GPCPD1: variants seen among roughly 807,000 people sequenced by gnomAD.
The protein encoded by GPCPD1 is glycerophosphocholine phosphodiesterase 1.
Under a neutral mutation model 89.2 loss-of-function variants are expected in GPCPD1, and 29 were observed. The ratio of observed to expected loss-of-function variants is 0.33; its 90% CI spans 0.24 to 0.44. The LOEUF is 0.44. GPCPD1 is among the 20% of genes least tolerant of loss of function. The pLI is 1.00. For synonymous variants in GPCPD1, 258 were observed against 266.3 expected (o/e 0.97, Z 0.30); for missense variants, 594 against 808.9 (o/e 0.73, Z 3.22).
intron 15 of GPCPD1, among the ~76,000 whole-genome samples, chr20:5,563,199 T>C (rs757501893): frequency 2.6e-5 from 4 of 152,094 alleles, no homozygotes; most frequent in Admixed American, 6.5e-5. Flanking sequence ...CAGGATGATC[T>C]TGATCCCCTG....
At chr20:5,599,093 A>G (rs1330382976) in intron 2 of GPCPD1, among the ~76,000 whole-genome samples, 2 of 152,232 alleles carry the variant, frequency 1.3e-5, no homozygotes, top group African/African-American at 4.8e-5. Flanking sequence ...TGAGCCAGTA[A>G]CAAGAACCCA....
At chr20:5,598,891 T>G in intron 2 of GPCPD1, 70 bp from the exon 3 acceptor site, 6 of 956,630 alleles carry the variant, frequency 6.3e-6, no homozygotes, top group Non-Finnish European at 1.0e-5. Flanking sequence ...CAGGGAAGTT[T>G]GCATTAGTTC....
At chr20:5,563,328 G>A (rs922135542) in intron 15 of GPCPD1, among the ~76,000 whole-genome samples, 3 of 152,004 alleles carry the variant, frequency 2.0e-5, no homozygotes, top group African/African-American at 7.2e-5. Context: ...AAATGAGTTT[G>A]CGTGTGTGTT....
At chr20:5,585,951 TA>T (rs1978892608) in intron 5 of GPCPD1, 1 of 376,456 alleles carries the variant, frequency 2.7e-6, no homozygotes, top group Non-Finnish European at 4.8e-6. Flanking sequence ...TATTTCATAA[TA>T]AACTAATCTA....
chr20:5,605,607 C>T (rs1383119440), intron 1 of GPCPD1, among the ~76,000 whole-genome samples: 4 of 152,166 alleles, frequency 2.6e-5, no homozygotes, highest in Middle Eastern at 6.8e-3. Flanking sequence ...GGAGAAACCC[C>T]GTCTCTACTA....
At chr20:5,568,895 G>A (rs998768994) in intron 12 of GPCPD1, among the ~76,000 whole-genome samples, 1 of 152,086 alleles carries the variant, frequency 6.6e-6, no homozygotes, top group Non-Finnish European at 1.5e-5. Context: ...GCAACAGAGC[G>A]AGACTCGGTC....
intron 15 of GPCPD1, among the ~76,000 whole-genome samples, chr20:5,564,309 G>A (rs752629034): frequency 2.0e-5 from 3 of 150,844 alleles, no homozygotes; most frequent in Non-Finnish European, 4.4e-5. Flanking sequence ...CAAAACTAAG[G>A]AACAGTTTAA....
chr20:5,602,547 A>C (rs528275197), intron 2 of GPCPD1, among the ~76,000 whole-genome samples: 1 of 152,328 alleles, frequency 6.6e-6, no homozygotes, highest in Non-Finnish European at 1.5e-5. Context: ...TACTCTGCCA[A>C]TTGCTGTGAT....
At chr20:5,601,361 C>CTTTT (rs1209326779) in intron 2 of GPCPD1, among the ~76,000 whole-genome samples, 15 of 73,062 alleles carry the variant, frequency 2.1e-4, no homozygotes, top group African/African-American at 3.6e-4. Flanking sequence ...CCCTGTTAAT[C>CTTTT]TTTTTTTTTT....
At position 5,566,977 on chromosome 20, in the gene GPCPD1, G is replaced by A. The variant is rs116411021; in HGVS notation, c.1228-205C>T. 5.6e-3 allele frequency among the ~76,000 whole-genome samples: 844 copies of A among 150,162 alleles called. 6 individuals carry two copies. Among genetic ancestry groups the A allele is most frequent in the African/African-American group, 0.02 (799 of 39,688 alleles). ...GATAATGATCAAATACTCAATTAGG[G>A]AAGAATATAAAAATTCTTCACTAGA... On this transcript the variant is annotated intron_variant, in intron 13 of 19. Transcript: ENST00000379019.
rs185745625 is a variant in GPCPD1 at position 5,546,776 on chromosome 20, C to T, written c.*885G>A. The T allele has an allele frequency of 6.6e-6, 1 of 151,106 alleles. No homozygotes were observed. Among genetic ancestry groups the T allele is most frequent in the East Asian group, 1.9e-4 (1 of 5,168 alleles). The allele number at this position is 151,106 out of a possible 1,614,324, so 9.4% of individuals were successfully genotyped here. On this transcript the variant is annotated 3_prime_UTR_variant, in exon 20 of 20. Transcript: ENST00000379019. ...ACACAAAATAAGCATATTTAAAACG[C>T]CTACAAACAGCCTTTTTTTTTTAGG...
intron 7 of GPCPD1, 23 bp downstream of exon 7, chr20:5,579,985 G>T: frequency 1.4e-6 from 2 of 1,469,342 alleles, no homozygotes; most frequent in Non-Finnish European, 1.9e-6. Flanking sequence ...AATAGCCTAA[G>T]TAACACATAA....
At chr20:5,576,034 TAC>T in intron 8 of GPCPD1, 56 bp from the exon 9 acceptor site, 1 of 810,302 alleles carries the variant, frequency 1.2e-6, no homozygotes, top group Non-Finnish European at 2.0e-6. Flanking sequence ...ATTACATACA[TAC>T]ATATACACAC....
chr20:5,598,190 A>AAAACAAAC (rs139757361), intron 3 of GPCPD1, among the ~76,000 whole-genome samples: 5 of 151,534 alleles, frequency 3.3e-5, no homozygotes, highest in African/African-American at 9.7e-5. Flanking sequence ...AAAACCCCAA[A>AAAACAAAC]AAACAAACAA....
chr20:5,598,835 ACAAT>A lies in GPCPD1; in HGVS notation c.50-18_50-15del, dbSNP rs1222733039. On this transcript the variant is annotated splice_polypyrimidine_tract_variant and intron_variant, in intron 2 of 19. Transcript: ENST00000379019. ...CAAAAACTTCTCCTAAAGAAACAGA[ACAAT>A]CAGTCACAGAGAAACAGAACAATCA... is the stretch of plus-strand genomic sequence containing the variant. The A allele has an allele frequency of 6.0e-6, 9 of 1,497,084 alleles. No homozygotes were observed. In the Admixed American group the frequency reaches 6.7e-5, roughly 11 times the overall value. 92.7% of individuals were successfully genotyped at this position (1,497,084 alleles called of 1,614,324 possible).
intron 10 of GPCPD1, among the ~76,000 whole-genome samples, chr20:5,574,343 A>G (rs902304463): frequency 1.3e-5 from 2 of 152,236 alleles, no homozygotes; most frequent in African/African-American, 4.8e-5. Flanking sequence ...TAATACTGGC[A>G]GACTGTGGGG....
chr20:5,557,311 G>C (rs1600717770), intron 19 of GPCPD1, among the ~76,000 whole-genome samples: 2 of 152,274 alleles, frequency 1.3e-5, no homozygotes, highest in East Asian at 3.9e-4. Context: ...CAGTCACCAG[G>C]GGGCAGGCTA....
Position 5,551,475 on chromosome 20 carries a change from AT to A in GPCPD1, c.1830-3626del, listed in dbSNP as rs567858595. Among the ~76,000 whole-genome samples, 466 of 152,338 alleles carry A rather than the reference AT, an allele frequency of 3.1e-3. 1 individual carries two copies. Among genetic ancestry groups the A allele is most frequent in the Non-Finnish European group, 5.4e-3 (365 of 68,026 alleles). On this transcript the variant is annotated intron_variant, in intron 19 of 19. Coordinates refer to ENST00000379019, the MANE Select transcript of GPCPD1 (RefSeq NM_019593.5). ...TAGCAATTACTTGGCAGCAACCTAA[AT>A]GTTCCTAAATAGCAGTCTAAGTTGT...
intron 19 of GPCPD1, among the ~76,000 whole-genome samples, chr20:5,552,767 C>A (rs907297312): frequency 3.3e-5 from 5 of 152,110 alleles, no homozygotes; most frequent in African/African-American, 1.2e-4. Flanking sequence ...ACTTGGACTA[C>A]AATTTTAAAA....
Sources: allele counts gnomAD v4.1 joint callset (sites outside exome capture counted in the v4.1 genomes callset), GRCh38; gene constraint gnomAD v4.1.1; transcripts MANE v1.5; gene names NCBI Gene and HGNC (gene_info 2026-07-23, HGNC 2026-07-21).